The following PRR16 variants were observed in gnomAD, a reference collection of about 807,000 sequenced individuals.
PRR16 encodes proline rich 16, also known as protein Largen.
A neutral mutation model predicts 18.2 loss-of-function variants in PRR16; 6 were observed. The observed-to-expected ratio is 0.33, with a 90% CI of 0.18 to 0.65. PRR16 has a LOEUF of 0.65. Among genes scored for constraint, PRR16 ranks in the 30% least tolerant of loss-of-function variants. PRR16 has a pLI of 0.74. For missense variants in PRR16, 412 were observed against 376.6 expected (o/e 1.09, Z -0.78); for synonymous variants, 151 against 147.8 (o/e 1.02, Z -0.16).
At chr5:120,489,370 C>T (rs951750682) in intron 1 of PRR16, among the ~76,000 whole-genome samples, 2 of 152,120 alleles carry the variant, frequency 1.3e-5, no homozygotes, top group African/African-American at 4.8e-5. Context: ...GGATAGTTAG[C>T]TCTTCTTGTT....
the PRR16 span, among the ~76,000 whole-genome samples, chr5:120,775,665 T>C: frequency 6.6e-6 from 1 of 151,088 alleles, no homozygotes; most frequent in African/African-American, 2.4e-5. Context: ...AGTTTCACTC[T>C]TGTTGCCCAG....
chr5:120,488,449 G>T (rs1580634812), intron 1 of PRR16, among the ~76,000 whole-genome samples: 1 of 152,128 alleles, frequency 6.6e-6, no homozygotes, highest in Non-Finnish European at 1.5e-5. Flanking sequence ...GGTGTTTATA[G>T]TATTCTCTGA....
intron 1 of PRR16, among the ~76,000 whole-genome samples, chr5:120,680,541 G>A (rs1372393476): frequency 6.6e-6 from 1 of 152,070 alleles, no homozygotes; most frequent in Non-Finnish European, 1.5e-5. Flanking sequence ...ACATCTACTG[G>A]ACTTTCCCTG....
chr5:120,592,745 G>T (rs1753675638), intron 1 of PRR16, among the ~76,000 whole-genome samples: 1 of 152,054 alleles, frequency 6.6e-6, no homozygotes, highest in South Asian at 2.1e-4. Context: ...AATAATGGTT[G>T]TTAATTCATA....
chr5:120,705,599 T>G, the PRR16 span, among the ~76,000 whole-genome samples: 6 of 152,246 alleles, frequency 3.9e-5, no homozygotes, highest in African/African-American at 1.4e-4. Context: ...AAAATTTAAA[T>G]TTTTATTCTT....
chr5:120,664,821 G>A (rs1158083501), intron 1 of PRR16, among the ~76,000 whole-genome samples: 1 of 142,862 alleles, frequency 7.0e-6, no homozygotes, highest in Admixed American at 7.0e-5. Flanking sequence ...ATTCCGTGGT[G>A]TATATGTGCC....
At chr5:120,552,675 G>T (rs1415858747) in intron 1 of PRR16, among the ~76,000 whole-genome samples, 1 of 151,754 alleles carries the variant, frequency 6.6e-6, no homozygotes, top group African/African-American at 2.4e-5. Flanking sequence ...TTTGGTTGTG[G>T]AGCATCCTTG....
intron 1 of PRR16, among the ~76,000 whole-genome samples, chr5:120,514,832 T>C (rs1387854351): frequency 1.3e-5 from 2 of 152,234 alleles, no homozygotes; most frequent in Non-Finnish European, 2.9e-5. Flanking sequence ...AGCTCTCACC[T>C]GAATTACCAC....
At chr5:120,667,949 T>G (rs1580856675) in intron 1 of PRR16, among the ~76,000 whole-genome samples, 1 of 151,936 alleles carries the variant, frequency 6.6e-6, no homozygotes, top group African/African-American at 2.4e-5. Flanking sequence ...GGGTGGAGAG[T>G]TCTGTAGATG....
intron 1 of PRR16, among the ~76,000 whole-genome samples, chr5:120,636,943 G>T (rs1755246916): frequency 6.6e-6 from 1 of 151,554 alleles, no homozygotes; most frequent in Non-Finnish European, 1.5e-5. Flanking sequence ...CAAATTGCAA[G>T]AAAAAAATCC....
At chr5:120,495,810 C>A (rs980348962) in intron 1 of PRR16, among the ~76,000 whole-genome samples, 3 of 151,932 alleles carry the variant, frequency 2.0e-5, no homozygotes, top group Non-Finnish European at 4.4e-5. Context: ...ATATCCTTTT[C>A]TTGCATTATT....
intron 1 of PRR16, among the ~76,000 whole-genome samples, chr5:120,638,596 G>T (rs1755322603): frequency 6.6e-6 from 1 of 152,102 alleles, no homozygotes; most frequent in South Asian, 2.1e-4. Context: ...TCAAAGACAT[G>T]TTGGGATTTA....
At chr5:120,708,048 GAT>G in the PRR16 span, among the ~76,000 whole-genome samples, 1 of 152,194 alleles carries the variant, frequency 6.6e-6, no homozygotes, top group Non-Finnish European at 1.5e-5. Flanking sequence ...TACATGAAAA[GAT>G]AAATATTTTC....
In PRR16 at chr5:120,686,834, A is replaced by G. The variant is rs1757144540; in HGVS notation, c.*125A>G. The G allele has an allele frequency of 1.3e-6, 1 of 744,240 alleles. No individual in the cohort carries two copies. The highest frequency in any genetic ancestry group is 1.8e-5 in the African/African-American group (1 of 55,924). 46.1% of individuals were successfully genotyped at this position (744,240 alleles called of 1,614,324 possible). ...TTAATCCTGCATTCAGCAAAGTGGCATAAAAATCACCTGGTAAGTATGCAG... is the reference window on the plus strand; with the variant it reads ...TTAATCCTGCATTCAGCAAAGTGGCGTAAAAATCACCTGGTAAGTATGCAG... On this transcript the variant is annotated 3_prime_UTR_variant, in exon 2 of 2. Transcript: ENST00000407149.
intron 1 of PRR16, among the ~76,000 whole-genome samples, chr5:120,676,522 A>G (rs2053838): frequency 0.19 from 24,003 of 125,726 alleles, 2,364 homozygotes; most frequent in Non-Finnish European, 0.25. Context: ...ATATATATAT[A>G]TGTGTGTGTG....
the PRR16 span, among the ~76,000 whole-genome samples, chr5:120,741,918 A>C: frequency 6.6e-6 from 1 of 152,018 alleles, no homozygotes; most frequent in Non-Finnish European, 1.5e-5. Context: ...GTTTTTATAG[A>C]TACTATAAGA....
At chr5:120,693,492 G>A in the PRR16 span, among the ~76,000 whole-genome samples, 7 of 152,286 alleles carry the variant, frequency 4.6e-5, no homozygotes, top group East Asian at 1.2e-3. Context: ...GAGGCAAAAC[G>A]GATATGCAAT....
chr5:120,736,537 CTTTTTTTT>C, the PRR16 span, among the ~76,000 whole-genome samples: 6 of 54,020 alleles, frequency 1.1e-4, no homozygotes, highest in East Asian at 5.3e-4. Context: ...AGTGTAAAGG[CTTTTTTTT>C]TTTTTTTTTT....
downstream of PRR16, among the ~76,000 whole-genome samples, chr5:120,691,652 C>A (rs1868459): frequency 0.32 from 49,101 of 151,942 alleles, 8,476 homozygotes; most frequent in Middle Eastern, 0.45. Context: ...ACCTCTAAAG[C>A]GTGCTTACAA....
Sources: gnomAD v4.1 joint callset for allele counts (sites outside exome capture counted in the v4.1 genomes callset) on GRCh38, gnomAD v4.1.1 for gene constraint, MANE v1.5 for transcripts, NCBI Gene and HGNC (gene_info 2026-07-23, HGNC 2026-07-21) for gene names.